Variants in SMYD4 observed in about 807,000 individuals in gnomAD.
SMYD4 encodes the protein protein-lysine N-methyltransferase SMYD4.
Under a neutral mutation model 72.8 loss-of-function variants are expected in SMYD4, and 68 were observed. That is an observed-to-expected ratio of 0.93 (90% CI 0.77 to 1.14). The LOEUF (loss-of-function observed/expected upper bound fraction) is 1.14, where lower values mean the gene tolerates loss of function less well. SMYD4 is among the 50% of genes most tolerant of loss of function. The pLI, the probability that SMYD4 is intolerant of heterozygous loss-of-function variation, is 0.00. For synonymous variants in SMYD4, 407 were observed against 388.6 expected (o/e 1.05, Z -0.56); for missense variants, 984 against 1,003.7 (o/e 0.98, Z 0.27).
chr17:1,824,682 C>T (rs1038079197), intron 2 of SMYD4, among the ~76,000 whole-genome samples: 2 of 152,064 alleles, frequency 1.3e-5, no homozygotes, highest in Non-Finnish European at 2.9e-5. Context: ...AGCAGTGGCA[C>T]AATCTCAGCG....
chr17:1,815,365 C>T (rs1910533958), intron 2 of SMYD4, among the ~76,000 whole-genome samples: 2 of 151,688 alleles, frequency 1.3e-5, no homozygotes, highest in South Asian at 4.2e-4. Context: ...GCCCAGAATA[C>T]TTTTTTGATT....
intron 5 of SMYD4, among the ~76,000 whole-genome samples, chr17:1,794,680 T>C (rs1009969801): frequency 2.6e-5 from 4 of 152,078 alleles, no homozygotes; most frequent in African/African-American, 9.7e-5. Flanking sequence ...TTTTTCATTT[T>C]GTAGCTTTAA....
chr17:1,790,980 A>G (rs888606247), intron 5 of SMYD4, among the ~76,000 whole-genome samples: 1 of 151,520 alleles, frequency 6.6e-6, no homozygotes, highest in Non-Finnish European at 1.5e-5. Flanking sequence ...CAAAAAAATT[A>G]GCCGGGCATG....
intron 2 of SMYD4, among the ~76,000 whole-genome samples, chr17:1,826,235 G>GC (rs1490713629): frequency 3.9e-5 from 6 of 152,160 alleles, no homozygotes; most frequent in Non-Finnish European, 1.5e-5. Flanking sequence ...GCTCATGCCT[G>GC]CAATCCCAGC....
intron 4 of SMYD4, among the ~76,000 whole-genome samples, chr17:1,801,753 G>C (rs73297034): frequency 0.36 from 54,061 of 150,498 alleles, 11,105 homozygotes; most frequent in African/African-American, 0.57. Context: ...GAGGCGAGCA[G>C]ATCACGAGGT....
In SMYD4 at chr17:1,827,869, T is replaced by C. The variant is rs746820072; in HGVS notation, c.126A>G (p.Ser42=). 3 of 1,602,390 alleles carry C rather than the reference T, an allele frequency of 1.9e-6. No homozygotes were observed. The highest frequency in any genetic ancestry group is 2.2e-5 in the East Asian group (1 of 44,492). Residue 42 remains serine, a synonymous_variant, in exon 2 of 11, where the codon TCA becomes TCG. Transcript: ENST00000305513. The stretch of plus-strand genomic sequence containing the variant: ...AAGCTTGATTTACTTACTGAAGAAG[T>C]GAAGAGGAGTGAAGAAAGATATCCC... ...TLRDIFLHSS[S]LLQPEDELFL... is the part of the protein sequence containing the mutation.
intron 7 of SMYD4, among the ~76,000 whole-genome samples, chr17:1,785,790 C>T (rs1042192733): frequency 2.2e-5 from 3 of 136,916 alleles, no homozygotes; most frequent in African/African-American, 9.5e-5. Flanking sequence ...AAAAAAAAAA[C>T]TAATAGAAAA....
intron 3 of SMYD4, among the ~76,000 whole-genome samples, chr17:1,806,199 A>T (rs967099156): frequency 1.3e-5 from 2 of 152,124 alleles, no homozygotes; most frequent in Admixed American, 6.6e-5. Flanking sequence ...AATACATGAA[A>T]TTCTTTAATG....
chr17:1,829,066 G>C (rs944773704), intron 1 of SMYD4, among the ~76,000 whole-genome samples: 5 of 152,090 alleles, frequency 3.3e-5, no homozygotes, highest in Non-Finnish European at 1.5e-5. Flanking sequence ...TAATGTCCAT[G>C]CCATTGGCAC....
At chr17:1,826,218 C>T (rs1160104875) in intron 2 of SMYD4, among the ~76,000 whole-genome samples, 6 of 152,092 alleles carry the variant, frequency 3.9e-5, no homozygotes, top group African/African-American at 1.2e-4. Context: ...GGGGGCCGGG[C>T]GCAGTGGCTC....
intron 2 of SMYD4, among the ~76,000 whole-genome samples, chr17:1,825,989 T>C (rs1337518395): frequency 1.3e-5 from 2 of 152,008 alleles, no homozygotes; most frequent in African/African-American, 4.8e-5. Flanking sequence ...ACACAATTTA[T>C]ATACAATGTA....
chr17:1,789,764 C>CCCAAAAAAAAAAA (rs71150816), intron 5 of SMYD4, among the ~76,000 whole-genome samples: 1 of 90,098 alleles, frequency 1.1e-5, no homozygotes, highest in Non-Finnish European at 2.4e-5. Context: ...GACTCTGTCT[C>CCCAAAAAAAAAAA]AAAAAAAAAA....
chr17:1,818,788 G>A (rs1050813873), intron 2 of SMYD4, among the ~76,000 whole-genome samples: 7 of 151,774 alleles, frequency 4.6e-5, no homozygotes, highest in South Asian at 2.1e-4. Context: ...CTATAGGCAC[G>A]TACTATCATG....
At chr17:1,782,990 A>G in intron 10 of SMYD4, 45 bp downstream of exon 10, 1 of 1,575,252 alleles carries the variant, frequency 6.3e-7, no homozygotes, top group South Asian at 1.2e-5. Context: ...AGAAGAGCCT[A>G]GGAAAGGAAC....
At chr17:1,798,735 T>G (rs1003126583) in intron 5 of SMYD4, among the ~76,000 whole-genome samples, 3 of 151,826 alleles carry the variant, frequency 2.0e-5, no homozygotes, top group Admixed American at 2.0e-4. Flanking sequence ...CCGTCTCTAC[T>G]AACAACACAA....
chr17:1,809,387 T>A (rs1025790456), intron 3 of SMYD4, among the ~76,000 whole-genome samples: 1 of 151,670 alleles, frequency 6.6e-6, no homozygotes, highest in Non-Finnish European at 1.5e-5. Context: ...TATTATTTTT[T>A]TTTTTGAGAC....
intron 5 of SMYD4, among the ~76,000 whole-genome samples, chr17:1,796,299 GT>G (rs35650939): frequency 2.3e-4 from 25 of 109,552 alleles, no homozygotes; most frequent in East Asian, 2.1e-3. Flanking sequence ...ATGCCTGGCT[GT>G]TTTTTTTTTT....
intron 2 of SMYD4, among the ~76,000 whole-genome samples, chr17:1,822,817 G>A (rs922932540): frequency 1.3e-5 from 2 of 152,072 alleles, no homozygotes; most frequent in African/African-American, 4.8e-5. Context: ...ACCAATTAGA[G>A]AATGTAATTG....
At chr17:1,817,606 G>C (rs1910680649) in intron 2 of SMYD4, among the ~76,000 whole-genome samples, 1 of 152,082 alleles carries the variant, frequency 6.6e-6, no homozygotes. Context: ...AAGAGTGGTG[G>C]GATTACAGCT....
Sources: allele counts gnomAD v4.1 joint callset (sites outside exome capture counted in the v4.1 genomes callset), GRCh38; gene constraint gnomAD v4.1.1; transcripts MANE v1.5; gene names NCBI Gene and HGNC (gene_info 2026-07-23, HGNC 2026-07-21).